APBA2: variants seen among roughly 807,000 people sequenced by gnomAD.
APBA2 encodes the protein amyloid beta precursor protein binding family A member 2, also known as amyloid-beta A4 precursor protein-binding family A member 2.
In APBA2, 30 loss-of-function variants were observed where a neutral mutation model predicts 75.0. That is an observed-to-expected ratio of 0.40 (90% CI 0.30 to 0.54). The LOEUF (loss-of-function observed/expected upper bound fraction) is 0.54, where lower values mean the gene tolerates loss of function less well. Among genes scored for constraint, APBA2 ranks in the 20% least tolerant of loss-of-function variants. APBA2 has a pLI of 0.49. For synonymous variants in APBA2, 444 were observed against 409.6 expected, an observed-to-expected ratio of 1.08 and a Z score of -1.01; for missense variants, 801 against 1,016.1, an observed-to-expected ratio of 0.79 and a Z score of 2.88.
chr15:28,953,685 C>T (rs1221629568), intron 2 of APBA2, among the ~76,000 whole-genome samples: 3 of 152,152 alleles, frequency 2.0e-5, no homozygotes, highest in Non-Finnish European at 2.9e-5. Context: ...TTGCCACAGT[C>T]GTCCCCTCTA....
chr15:28,946,153 C>T (rs1293663650), intron 2 of APBA2, among the ~76,000 whole-genome samples: 1 of 152,208 alleles, frequency 6.6e-6, no homozygotes, highest in Non-Finnish European at 1.5e-5. Flanking sequence ...CATTCAGAGA[C>T]TGTGGTAGAC....
chr15:28,985,604 T>C (rs1031953843), intron 2 of APBA2, among the ~76,000 whole-genome samples: 2 of 152,204 alleles, frequency 1.3e-5, no homozygotes, highest in African/African-American at 4.8e-5. Context: ...AATGAGTAAA[T>C]TGAGGGAAAT....
intron 3 of APBA2, among the ~76,000 whole-genome samples, chr15:29,043,126 T>A (rs2041135828): frequency 6.6e-6 from 1 of 152,244 alleles, no homozygotes; most frequent in Non-Finnish European, 1.5e-5. Context: ...ACAGTTACTC[T>A]GTTCCTGTTA....
intron 2 of APBA2, among the ~76,000 whole-genome samples, chr15:28,984,488 C>A (rs182548919): frequency 6.6e-6 from 1 of 152,090 alleles, no homozygotes; most frequent in Non-Finnish European, 1.5e-5. Flanking sequence ...CAGCTTCCAG[C>A]CCCCTGACTC....
chr15:28,995,078 G>A lies in APBA2; in HGVS notation c.-94-675G>A, dbSNP rs147980563. Among the ~76,000 whole-genome samples the A allele has an allele frequency of 2.3e-3, 355 of 152,204 alleles. 2 individuals are homozygous for A. Among genetic ancestry groups the A allele is most frequent in the African/African-American group, 7.9e-3 (330 of 41,526 alleles). On this transcript the variant is annotated intron_variant, in intron 2 of 14. Coordinates refer to ENST00000683413, the MANE Select transcript of APBA2 (RefSeq NM_001353788.2). ...CCTGTTCCACCCCAGCTTCCTGCCC[G>A]TAGCCTTCTAATGCCCTTGCCCTGA...
chr15:29,111,208 C>G (rs911293729), intron 13 of APBA2, among the ~76,000 whole-genome samples: 1 of 151,662 alleles, frequency 6.6e-6, no homozygotes, highest in African/African-American at 2.4e-5. Flanking sequence ...TGGAGGGGGC[C>G]AAGCGTCTGT....
intron 2 of APBA2, among the ~76,000 whole-genome samples, chr15:28,962,652 A>G (rs1421021951): frequency 1.3e-5 from 2 of 152,064 alleles, no homozygotes; most frequent in Non-Finnish European, 2.9e-5. Flanking sequence ...GGCTCAAGCC[A>G]TCTGCCCACC....
chr15:29,090,089 T>C (rs2043485891), intron 6 of APBA2, among the ~76,000 whole-genome samples: 1 of 152,168 alleles, frequency 6.6e-6, no homozygotes, highest in Admixed American at 6.5e-5. Flanking sequence ...TGGGTTCTCC[T>C]CCCGTGGTGC....
At chr15:28,953,338 C>CA (rs1423328465) in intron 2 of APBA2, among the ~76,000 whole-genome samples, 1 of 152,190 alleles carries the variant, frequency 6.6e-6, no homozygotes, top group Non-Finnish European at 1.5e-5. Flanking sequence ...TTGGCCTTCA[C>CA]ACTCAGCATT....
intron 3 of APBA2, among the ~76,000 whole-genome samples, chr15:29,012,652 A>G (rs1014340700): frequency 2.6e-5 from 4 of 152,188 alleles, no homozygotes; most frequent in African/African-American, 9.6e-5. Context: ...GCTATAAACC[A>G]GTATTGCATT....
chr15:29,054,748 C>T lies in APBA2; in HGVS notation c.864C>T (p.Pro288=), dbSNP rs370968355. The T allele has an allele frequency of 1.4e-4, 231 of 1,610,184 alleles. No homozygotes were observed. Among genetic ancestry groups the T allele is most frequent in the South Asian group, 1.4e-3 (129 of 91,046 alleles). ...GGCCCAAGTCGCTGAACCTCCTTCC[C>T]GAGGCCAAGCACCCCGGAGACCCCC... ...EARPKSLNLL[P]EAKHPGDPQR... is the part of the protein sequence containing the mutation. Residue 288 remains proline, a synonymous_variant, in exon 4 of 15, where the codon CCC becomes CCT. Coordinates refer to ENST00000683413, the MANE Select transcript of APBA2 (RefSeq NM_001353788.2). This position sits in a 1 kb window ranked among gnomAD's most constrained non-coding sequence, Gnocchi z 6.1.
chr15:28,995,946 T>C (rs2038493306), intron 3 of APBA2, 140 bp downstream of exon 3: 1 of 152,214 alleles, frequency 6.6e-6, no homozygotes, highest in Non-Finnish European at 1.5e-5. Context: ...TGGGATCCTG[T>C]GTGTGTGAGC....
At chr15:29,064,767 A>G (rs2042303484) in intron 4 of APBA2, among the ~76,000 whole-genome samples, 1 of 152,084 alleles carries the variant, frequency 6.6e-6, no homozygotes, top group South Asian at 2.1e-4. Context: ...GAGCCAGGAG[A>G]GAACTGGGGA....
At chr15:28,948,312 A>G (rs1488190998) in intron 2 of APBA2, among the ~76,000 whole-genome samples, 2 of 152,088 alleles carry the variant, frequency 1.3e-5, no homozygotes, top group Non-Finnish European at 2.9e-5. Context: ...TTTCTTTGCC[A>G]TAATGGCCAC....
intron 2 of APBA2, among the ~76,000 whole-genome samples, chr15:28,957,997 G>A (rs538651823): frequency 2.0e-5 from 3 of 152,324 alleles, no homozygotes; most frequent in African/African-American, 7.2e-5. Context: ...AGGCGGGGGA[G>A]CATTTGGAGG....
At chr15:29,094,363 G>T (rs368565438) in intron 8 of APBA2, 50 bp downstream of exon 8, 10 of 1,598,018 alleles carry the variant, frequency 6.3e-6, no homozygotes, top group Non-Finnish European at 8.6e-6. Context: ...TTGTGTTTCC[G>T]TGGCTTGTCC....
intron 3 of APBA2, among the ~76,000 whole-genome samples, chr15:29,020,948 G>A (rs1241519751): frequency 1.3e-5 from 2 of 152,112 alleles, no homozygotes; most frequent in South Asian, 2.1e-4. Context: ...ACTGCGGCAC[G>A]AACCTCAGAC....
chr15:29,011,764 A>G (rs902283258), intron 3 of APBA2, among the ~76,000 whole-genome samples: 2 of 152,230 alleles, frequency 1.3e-5, no homozygotes, highest in Admixed American at 1.3e-4. Flanking sequence ...CATAAATTTC[A>G]TAATGTCTAA....
rs1486211457 is a variant in APBA2, at chr15:28,918,094, T to TAGG, written c.-204-3546_-204-3545insAGG. On this transcript the variant is annotated intron_variant, in intron 1 of 14. Coordinates refer to ENST00000683413, the MANE Select transcript of APBA2 (RefSeq NM_001353788.2). The surrounding 1 kb of genome is among the most constrained non-coding windows in gnomAD (Gnocchi z 4.2). ...GATAAGAATCACCGCGAGTGTTTGCTGAGCACTTGGGAGGCATAGGCTCGG... is the reference window on the plus strand; with the variant it reads ...GATAAGAATCACCGCGAGTGTTTGCTAGGGAGCACTTGGGAGGCATAGGCTCGG... Among the ~76,000 whole-genome samples the TAGG allele has an allele frequency of 1.3e-5, 2 of 152,208 alleles. No individual in the cohort carries two copies. The highest frequency in any genetic ancestry group is 2.9e-5 in the Non-Finnish European group (2 of 68,026).
Sources: gnomAD v4.1 joint callset for allele counts (sites outside exome capture counted in the v4.1 genomes callset) on GRCh38, gnomAD v4.1.1 for gene constraint, Gnocchi (gnomAD v3.1) non-coding constraint, MANE v1.5 for transcripts, NCBI Gene and HGNC (gene_info 2026-07-23, HGNC 2026-07-21) for gene names.